AP2A1: variants seen among roughly 807,000 people sequenced by gnomAD.
AP2A1 encodes the protein AP-2 complex subunit alpha-1.
A neutral mutation model predicts 107.3 loss-of-function variants in AP2A1; 21 were observed. The ratio of observed to expected loss-of-function variants is 0.20; its 90% CI spans 0.14 to 0.28. The LOEUF (loss-of-function observed/expected upper bound fraction) is 0.28. Among genes scored for constraint, AP2A1 ranks in the 10% least tolerant of loss-of-function variants. The pLI, the probability that AP2A1 is intolerant of heterozygous loss-of-function variation, is 1.00. For synonymous variants in AP2A1, 602 were observed against 564.8 expected (o/e 1.07, Z -0.93); for missense variants, 873 against 1,307.7 (o/e 0.67, Z 5.13).
Position 49,782,038 on chromosome 19 carries a change from C to G in AP2A1, c.228C>G (p.His76Gln). 1 of 1,590,106 alleles carries G rather than the reference C, an allele frequency of 6.3e-7. No individual in the cohort carries two copies. Among genetic ancestry groups the G allele is most frequent in the Non-Finnish European group, 8.6e-7 (1 of 1,167,884 alleles). ...FLLGHDIDFG[H>Q]MEAVNLLSSN... ...TTGGCCATGACATTGACTTTGGGCA[C>G]ATGGAGGCTGTGAATCTGTTGAGTT... Residue 76 changes from histidine to glutamine, a missense_variant, in exon 3 of 23, where the codon CAC (histidine) becomes CAG (glutamine). Physicochemically the swap from His to Gln is conservative, Grantham distance 24. Around this residue, in one of 4 missense-constraint regions of AP2A1, gnomAD observed 87 missense variants for 178.2 expected, o/e 0.49. Coordinates refer to ENST00000354293, the MANE Select transcript of AP2A1 (RefSeq NM_130787.3).
rs768689227 is a variant in AP2A1, at chr19:49,806,892, C to T, written c.*134C>T. 3.4e-5 allele frequency: 53 copies of T among 1,544,872 alleles called. No individual in the cohort carries two copies. Among genetic ancestry groups the T allele is most frequent in the South Asian group, 3.1e-4 (26 of 84,748 alleles). ...TTGGGGGATGCCTGGGACTTTCCTCCGGCCTTTTGTATTTTTATTTTTGTT... is the reference window on the plus strand; with the variant it reads ...TTGGGGGATGCCTGGGACTTTCCTCTGGCCTTTTGTATTTTTATTTTTGTT... On this transcript the variant is annotated 3_prime_UTR_variant, in exon 23 of 23. Coordinates refer to ENST00000354293, the MANE Select transcript of AP2A1 (RefSeq NM_130787.3).
chr19:49,767,989 AAAG>A (rs1357885733), intron 1 of AP2A1, among the ~76,000 whole-genome samples: 3 of 152,012 alleles, frequency 2.0e-5, no homozygotes, highest in Non-Finnish European at 4.4e-5. Context: ...GGGGGCCAGG[AAAG>A]AAGAGGACAT....
In AP2A1 at chr19:49,785,406, A is replaced by G. The variant is rs1294332416; in HGVS notation, c.473+2682A>G. On this transcript the variant is annotated intron_variant, in intron 4 of 22. Transcript: ENST00000354293. This position sits in a 1 kb window ranked among gnomAD's most constrained non-coding sequence, Gnocchi z 4.1. ...TGCTAGGATGAGGTGGGGACATTGAACAGGTGAGTGAATGATGGCAGACCT... is the reference window on the plus strand; with the variant it reads ...TGCTAGGATGAGGTGGGGACATTGAGCAGGTGAGTGAATGATGGCAGACCT... Among the ~76,000 whole-genome samples the G allele has an allele frequency of 1.3e-5, 2 of 152,116 alleles. No homozygotes were observed. The highest frequency in any genetic ancestry group is 3.9e-4 in the East Asian group (2 of 5,194).
chr19:49,769,237 G>A (rs1380064372), intron 1 of AP2A1, among the ~76,000 whole-genome samples: 1 of 140,700 alleles, frequency 7.1e-6, no homozygotes, highest in African/African-American at 2.7e-5. Context: ...GGCAACAAGA[G>A]TGAAACTCCG....
intron 12 of AP2A1, 47 bp from the exon 13 acceptor site, chr19:49,801,343 A>G: frequency 6.4e-7 from 1 of 1,559,982 alleles, no homozygotes; most frequent in Non-Finnish European, 8.8e-7. Context: ...GGTTTCTGGG[A>G]GAGGGCAGTG....
chr19:49,802,341 C>G (rs1376667075), intron 15 of AP2A1, 200 bp downstream of exon 15: 1 of 840,008 alleles, frequency 1.2e-6, no homozygotes, highest in Non-Finnish European at 2.0e-6. Context: ...ACTCTGGACT[C>G]CGCCGACCCT....
At chr19:49,800,181 C>G (rs749904873) in intron 11 of AP2A1, 31 bp downstream of exon 11, 2 of 1,580,188 alleles carry the variant, frequency 1.3e-6, no homozygotes, top group Admixed American at 1.8e-5. Context: ...CCCTATGACC[C>G]CACGACAGGA....
chr19:49,772,387 G>A (rs988203378), intron 1 of AP2A1, among the ~76,000 whole-genome samples: 1 of 151,022 alleles, frequency 6.6e-6, no homozygotes, highest in African/African-American at 2.4e-5. Context: ...TATGTTGCCC[G>A]GGCTGGTCTC....
intron 11 of AP2A1, chr19:49,800,554 G>A (rs1460442278): frequency 3.9e-6 from 1 of 256,082 alleles, no homozygotes; most frequent in Non-Finnish European, 7.6e-6. Flanking sequence ...CTGCAACCTC[G>A]GCCTCCCAGC....
Position 49,795,516 on chromosome 19 carries a change from C to T in AP2A1, c.706-114C>T, listed in dbSNP as rs2073200807. 7.0e-6 allele frequency: 5 copies of T among 719,004 alleles called. No homozygotes were observed. The East Asian group carries it at 1.4e-4, about 19-fold the overall frequency. 44.5% of individuals were successfully genotyped at this position (719,004 alleles called of 1,614,324 possible). A position where few individuals can be genotyped will look rare whatever the true frequency, so the allele number is the denominator to read the frequency against. On this transcript the variant is annotated intron_variant, in intron 6 of 22. Coordinates refer to ENST00000354293, the MANE Select transcript of AP2A1 (RefSeq NM_130787.3). ...TACAAAAAAAACCCACTAACAAAAC[C>T]ATTAACACTGACAGCACTGCCCTTG...
chr19:49,782,111 C>T (rs932298427), intron 3 of AP2A1, 22 bp downstream of exon 3: 1 of 1,523,508 alleles, frequency 6.6e-7, no homozygotes, highest in African/African-American at 1.4e-5. Flanking sequence ...GAGGGGGGTG[C>T]CAGGGCCTGG....
In AP2A1 at chr19:49,788,592, G is replaced by A. The variant is rs1358091785; in HGVS notation, c.474-3343G>A. 2.6e-5 allele frequency among the ~76,000 whole-genome samples: 4 copies of A among 151,168 alleles called. No individual in the cohort carries two copies. The highest frequency in any genetic ancestry group is 1.3e-4 in the Admixed American group (2 of 15,152). On this transcript the variant is annotated intron_variant, in intron 4 of 22. Transcript: ENST00000354293. The surrounding 1 kb of genome is among the most constrained non-coding windows in gnomAD (Gnocchi z 4.5). Reference sequence around the variant, plus strand: ...CGCTGTGGCTCAGGAGATGTGCGCCGTGGCAGCGATGGGAAAGTGGCCCAG... The same window carrying A: ...CGCTGTGGCTCAGGAGATGTGCGCCATGGCAGCGATGGGAAAGTGGCCCAG...
intron 1 of AP2A1, among the ~76,000 whole-genome samples, chr19:49,768,904 C>T (rs2084530051): frequency 6.6e-6 from 1 of 152,124 alleles, no homozygotes; most frequent in African/African-American, 2.4e-5. Flanking sequence ...TTTGATTGCT[C>T]TAGTGTTGTC....
At chr19:49,786,695 G>C (rs577142113) in intron 4 of AP2A1, among the ~76,000 whole-genome samples, 1 of 152,336 alleles carries the variant, frequency 6.6e-6, no homozygotes, top group South Asian at 2.1e-4. Context: ...GTGGCCAGTC[G>C]CAAATGCTGC....
chr19:49,799,556 G>C (rs935297388), intron 9 of AP2A1, 61 bp downstream of exon 9: 2 of 1,601,790 alleles, frequency 1.2e-6, no homozygotes, highest in Non-Finnish European at 1.7e-6. Flanking sequence ...CAGAGGCTCA[G>C]AGGCCCTTGG....
At chr19:49,805,285 C>G (rs76678227) in intron 18 of AP2A1, 168 bp from the exon 19 acceptor site, 8,843 of 795,992 alleles carry the variant, frequency 0.011, 356 homozygotes, top group East Asian at 0.11. Context: ...TCAGAGGTTT[C>G]CATAGTATGA....
Position 49,792,179 on chromosome 19 carries a change from C to G in AP2A1, c.603+115C>G, listed in dbSNP as rs940110395. Reference sequence around the variant, plus strand: ...TCACACCCCCGGATACCCAGGGCTCCCACCTCAGCCCACGCACCCCCTGGA... The same window carrying G: ...TCACACCCCCGGATACCCAGGGCTCGCACCTCAGCCCACGCACCCCCTGGA... On this transcript the variant is annotated intron_variant, in intron 5 of 22. Coordinates refer to ENST00000354293, the MANE Select transcript of AP2A1 (RefSeq NM_130787.3). 17 of 1,138,002 alleles carry G rather than the reference C, an allele frequency of 1.5e-5. No individual in the cohort carries two copies. The African/African-American group carries it at 2.5e-4, about 17-fold the overall frequency. 70.5% of individuals were successfully genotyped at this position (1,138,002 alleles called of 1,614,324 possible). A position where few individuals can be genotyped will look rare whatever the true frequency, so the allele number is the denominator to read the frequency against.
intron 7 of AP2A1, chr19:49,797,540 C>CA (rs1164320460): frequency 6.6e-6 from 1 of 152,172 alleles, no homozygotes; most frequent in East Asian, 1.9e-4. Flanking sequence ...GTCTGGCCAA[C>CA]ATGGCAAAAC....
intron 4 of AP2A1, among the ~76,000 whole-genome samples, chr19:49,786,238 T>C (rs896467627): frequency 1.5e-4 from 23 of 152,256 alleles, no homozygotes; most frequent in African/African-American, 5.3e-4. Context: ...CTAAAAAAAA[T>C]ATAATGCAAG....
Sources: gnomAD v4.1 joint callset for allele counts (sites outside exome capture counted in the v4.1 genomes callset) on GRCh38, gnomAD v4.1.1 for gene constraint, gnomAD v4.1.1 regional missense constraint, Gnocchi (gnomAD v3.1) non-coding constraint, MANE v1.5 for transcripts, NCBI Gene and HGNC (gene_info 2026-07-23, HGNC 2026-07-21) for gene names.